SOX5: variants seen among roughly 807,000 people sequenced by gnomAD.
SOX5 encodes the protein SRY-box transcription factor 5, also known as transcription factor SOX-5.
A neutral mutation model predicts 92.0 loss-of-function variants in SOX5; 9 were observed. That is an observed-to-expected ratio of 0.10 (90% CI 0.06 to 0.17). SOX5 has a LOEUF of 0.17. SOX5 is among the 10% of genes least tolerant of loss of function. The pLI, the probability that SOX5 is intolerant of heterozygous loss-of-function variation, is 1.00. For missense variants in SOX5, 642 were observed against 944.5 expected, an observed-to-expected ratio of 0.68 and a Z score of 4.20; for synonymous variants, 344 against 336.3, an observed-to-expected ratio of 1.02 and a Z score of -0.25.
At chr12:24,239,317 T>C (rs1241134080) in intron 3 of SOX5, among the ~76,000 whole-genome samples, 2 of 152,236 alleles carry the variant, frequency 1.3e-5, no homozygotes, top group Non-Finnish European at 2.9e-5. Context: ...TCAAACTCAC[T>C]AAATTTCCTT....
intron 1 of SOX5, among the ~76,000 whole-genome samples, chr12:23,915,641 C>T (rs1258184733): frequency 6.6e-6 from 1 of 151,588 alleles, no homozygotes; most frequent in East Asian, 1.9e-4. Flanking sequence ...AAACCCCATC[C>T]CATTACTAGG....
chr12:24,296,941 AC>A (rs1947336112), intron 2 of SOX5, among the ~76,000 whole-genome samples: 3 of 151,762 alleles, frequency 2.0e-5, no homozygotes, highest in Non-Finnish European at 4.4e-5. Flanking sequence ...ACACACACAC[AC>A]ACACACACAC....
intron 8 of SOX5, among the ~76,000 whole-genome samples, chr12:23,607,183 T>G (rs2075353137): frequency 2.0e-5 from 3 of 152,214 alleles, no homozygotes; most frequent in African/African-American, 2.4e-5. Context: ...ATATCAGATT[T>G]TCCTGGTTCA....
At chr12:24,090,551 G>A (rs1466167972) in intron 4 of SOX5, among the ~76,000 whole-genome samples, 1 of 152,100 alleles carries the variant, frequency 6.6e-6, no homozygotes, top group Non-Finnish European at 1.5e-5. Flanking sequence ...TACAGTCAAA[G>A]GAGCCTTCTC....
At chr12:24,167,711 A>G (rs571361371) in intron 4 of SOX5, among the ~76,000 whole-genome samples, 2 of 152,316 alleles carry the variant, frequency 1.3e-5, no homozygotes, top group South Asian at 2.1e-4. Flanking sequence ...CTAAACATTT[A>G]TTTTGTTTCG....
chr12:24,537,731 C>T (rs931318567), intron 1 of SOX5, among the ~76,000 whole-genome samples: 3 of 152,218 alleles, frequency 2.0e-5, no homozygotes, highest in Admixed American at 6.5e-5. Flanking sequence ...GCCATTTCAT[C>T]TAGTCACAGT....
rs1938799957 is a variant in SOX5, at chr12:23,530,754, TA to T, written c.*3464del. Reference sequence around the variant, plus strand: ...TTAGAGAAACGGACTACAACAACTATAAAAACCAGAATTCTGGCAAGATTAT... The same window carrying T: ...TTAGAGAAACGGACTACAACAACTATAAAACCAGAATTCTGGCAAGATTAT... On this transcript the variant is annotated 3_prime_UTR_variant, in exon 15 of 15. Coordinates refer to ENST00000451604, the MANE Select transcript of SOX5 (RefSeq NM_006940.6). The T allele has an allele frequency of 6.7e-6, 1 of 149,838 alleles. No homozygotes were observed. The highest frequency in any genetic ancestry group is 2.1e-4 in the South Asian group (1 of 4,724). The allele number at this position is 149,838 out of a possible 1,614,324, so 9.3% of individuals were successfully genotyped here.
chr12:24,093,691 CTTT>C (rs199818216), intron 4 of SOX5, among the ~76,000 whole-genome samples: 39 of 140,150 alleles, frequency 2.8e-4, no homozygotes, highest in Middle Eastern at 3.7e-3. Context: ...TTTGGTTGTC[CTTT>C]TTTTTTTTTT....
At chr12:23,620,631 A>G (rs905210623) in intron 8 of SOX5, among the ~76,000 whole-genome samples, 2 of 152,122 alleles carry the variant, frequency 1.3e-5, no homozygotes, top group Non-Finnish European at 2.9e-5. Flanking sequence ...AGCAAAAATG[A>G]GTCCTTTTCA....
At chr12:24,102,454 G>C (rs771228783) in intron 4 of SOX5, among the ~76,000 whole-genome samples, 1 of 152,140 alleles carries the variant, frequency 6.6e-6, no homozygotes, top group South Asian at 2.1e-4. Flanking sequence ...TATTAGCAAA[G>C]GTGCTTTTAA....
At chr12:24,168,648 C>T (rs189352757) in intron 4 of SOX5, among the ~76,000 whole-genome samples, 25 of 152,060 alleles carry the variant, frequency 1.6e-4, no homozygotes, top group African/African-American at 4.3e-4. Context: ...TCACAGCAGG[C>T]CACTTTAATG....
At chr12:23,752,199 C>G (rs150626220) in intron 4 of SOX5, among the ~76,000 whole-genome samples, 1,674 of 151,076 alleles carry the variant, frequency 0.011, 34 homozygotes, top group African/African-American at 0.039. Context: ...AGTTTGTGGG[C>G]CTGAATTAAT....
At chr12:24,476,917 C>T (rs1460916586) in intron 1 of SOX5, among the ~76,000 whole-genome samples, 1 of 141,310 alleles carries the variant, frequency 7.1e-6, no homozygotes, top group Admixed American at 7.8e-5. Context: ...AATCGAAGCA[C>T]TTTGGGAGAC....
chr12:23,686,608 T>C (rs915884328), intron 6 of SOX5, among the ~76,000 whole-genome samples: 14 of 152,142 alleles, frequency 9.2e-5, no homozygotes, highest in African/African-American at 1.4e-4. Context: ...TTCACAGAAA[T>C]ACAAATTCTC....
intron 4 of SOX5, among the ~76,000 whole-genome samples, chr12:24,027,133 C>T (rs1954974340): frequency 6.6e-6 from 1 of 151,940 alleles, no homozygotes; most frequent in Admixed American, 6.6e-5. Flanking sequence ...ACAAAATACT[C>T]CTACTTCTTC....
intron 3 of SOX5, among the ~76,000 whole-genome samples, chr12:23,768,322 CTCAAAGGTGTT>C (rs1020370988): frequency 6.6e-6 from 1 of 152,030 alleles, no homozygotes; most frequent in African/African-American, 2.4e-5. Flanking sequence ...ATGTCAGAAA[CTCAAAGGTGTT>C]TATACCGCTG....
rs566014034 is a variant in SOX5, at chr12:24,033,089, AG to A, written c.-1-137066del. Among the ~76,000 whole-genome samples the A allele has an allele frequency of 4.6e-5, 7 of 152,066 alleles. No individual in the cohort carries two copies. In the South Asian group the frequency reaches 1.5e-3, roughly 32 times the overall value. On this transcript the variant is annotated intron_variant, in intron 4 of 4. Coordinates refer to the SOX5 transcript ENST00000446891. ...TTTAAAATGGTTTCATGACCCCAAA[AG>A]GTTGAAATACCATGAGGTCATTTAG...
intron 2 of SOX5, among the ~76,000 whole-genome samples, chr12:24,292,450 A>G (rs548732728): frequency 4.7e-4 from 71 of 152,356 alleles, no homozygotes; most frequent in Non-Finnish European, 8.7e-4. Flanking sequence ...TTATAAGCCA[A>G]TGGAAGGATC....
chr12:24,325,904 G>A (rs116985763), intron 2 of SOX5, among the ~76,000 whole-genome samples: 59 of 152,246 alleles, frequency 3.9e-4, no homozygotes, highest in Admixed American at 9.8e-4. Context: ...ACGTGCACGC[G>A]CGCGCGTGTG....
Sources: gnomAD v4.1 joint callset for allele counts (sites outside exome capture counted in the v4.1 genomes callset) on GRCh38, gnomAD v4.1.1 for gene constraint, MANE v1.5 for transcripts, NCBI Gene and HGNC (gene_info 2026-07-23, HGNC 2026-07-21) for gene names.